Variants in FARP2 observed in about 807,000 individuals in gnomAD.
FARP2 encodes the protein FERM, ARH/RhoGEF and pleckstrin domain protein 2.
FARP2 carries 111 observed loss-of-function variants against 130.5 expected under a neutral mutation model. The ratio of observed to expected loss-of-function variants is 0.85; its 90% CI spans 0.73 to 1.00. The LOEUF is 1.00. Ranked by LOEUF, FARP2 falls within the 50% of genes least tolerant of loss-of-function variation. The pLI, the probability that FARP2 is intolerant of heterozygous loss-of-function variation, is 0.00. For missense variants in FARP2, 1,385 were observed against 1,346.3 expected (o/e 1.03, Z -0.45); for synonymous variants, 504 against 516.9 (o/e 0.98, Z 0.34).
rs546731477 is a variant in FARP2, at chr2:241,481,146, T to C, written c.2263-2319T>C. ...CAGGAGGCTGAGGCAAGTGGATCAC[T>C]TGAGCCCAGGAGGTCAAGGCTAGAG... On this transcript the variant is annotated intron_variant, in intron 19 of 26. Transcript: ENST00000264042. Among the ~76,000 whole-genome samples, 3 of 151,944 alleles carry C rather than the reference T, an allele frequency of 2.0e-5. No individual in the cohort carries two copies. The South Asian group carries it at 6.3e-4, about 32-fold the overall frequency.
intron 2 of FARP2, among the ~76,000 whole-genome samples, chr2:241,375,649 C>T (rs916071844): frequency 2.0e-5 from 3 of 151,978 alleles, no homozygotes; most frequent in African/African-American, 7.3e-5. Context: ...TAAATATAAC[C>T]GTCATGTTTG....
At chr2:241,437,970 G>T (rs1256017486) in intron 12 of FARP2, among the ~76,000 whole-genome samples, 1 of 151,926 alleles carries the variant, frequency 6.6e-6, no homozygotes, top group Non-Finnish European at 1.5e-5. Context: ...CAGCCGCCTG[G>T]CTGATTTTTG....
chr2:241,463,274 G>A, intron 15 of FARP2, 61 bp from the exon 16 acceptor site: 1 of 1,577,614 alleles, frequency 6.3e-7, no homozygotes. Flanking sequence ...GCCCTCAGGG[G>A]CACAGTTTCT....
intron 24 of FARP2, chr2:241,492,713 C>T (rs2124922795): frequency 3.8e-6 from 2 of 525,272 alleles, no homozygotes; most frequent in African/African-American, 1.9e-5. Context: ...GGAAAGGGAA[C>T]TCACTTTACT....
intron 5 of FARP2, among the ~76,000 whole-genome samples, chr2:241,408,622 T>C (rs2062429322): frequency 6.6e-6 from 1 of 152,166 alleles, no homozygotes; most frequent in Non-Finnish European, 1.5e-5. Context: ...GTATTTTTTG[T>C]ATTTGTTCAC....
At chr2:241,472,090 G>T (rs112231717) in intron 18 of FARP2, among the ~76,000 whole-genome samples, 1 of 151,754 alleles carries the variant, frequency 6.6e-6, no homozygotes, top group African/African-American at 2.4e-5. Flanking sequence ...GTTCTGGGGG[G>T]GTTCTGTTCT....
intron 8 of FARP2, among the ~76,000 whole-genome samples, chr2:241,428,265 C>G (rs975201820): frequency 1.3e-4 from 17 of 133,464 alleles, no homozygotes; most frequent in African/African-American, 4.7e-4. Flanking sequence ...GACGGAGTCT[C>G]CCTTTGTCGT....
In FARP2 at chr2:241,450,434, G is replaced by GAGAC. The variant is rs2063621279; in HGVS notation, c.1412-6311_1412-6310insACAG. 4.6e-5 allele frequency among the ~76,000 whole-genome samples: 7 copies of GAGAC among 152,056 alleles called. 1 individual carries two copies. The highest frequency in any genetic ancestry group is 4.6e-4 in the Admixed American group (7 of 15,270). On this transcript the variant is annotated intron_variant, in intron 13 of 26. Transcript: ENST00000264042. Reference sequence around the variant, plus strand: ...TGTAGTCCCAGCACTTTGGGAGGCTGAGGTGGGCGGATCACGAGGTCAGGA... The same window carrying GAGAC: ...TGTAGTCCCAGCACTTTGGGAGGCTGAGACAGGTGGGCGGATCACGAGGTCAGGA...
At chr2:241,373,313 G>T (rs1158788493) in intron 2 of FARP2, 23 bp downstream of exon 2, 8 of 1,359,690 alleles carry the variant, frequency 5.9e-6, no homozygotes, top group Middle Eastern at 3.9e-4. Context: ...ATTTTTGGAG[G>T]CATATTTCCT....
At chr2:241,371,184 A>G (rs779120734) in intron 1 of FARP2, among the ~76,000 whole-genome samples, 4 of 152,200 alleles carry the variant, frequency 2.6e-5, no homozygotes, top group Non-Finnish European at 5.9e-5. Context: ...TTTGAAATTA[A>G]GAGATTAAAA....
chr2:241,405,555 A>T (rs1422209967), intron 4 of FARP2, among the ~76,000 whole-genome samples: 1 of 152,240 alleles, frequency 6.6e-6, no homozygotes, highest in Admixed American at 6.5e-5. Context: ...CTCTGAGGAA[A>T]GAAAAAATAA....
At chr2:241,368,921 C>T (rs2061369825) in intron 1 of FARP2, among the ~76,000 whole-genome samples, 1 of 152,042 alleles carries the variant, frequency 6.6e-6, no homozygotes, top group Admixed American at 6.6e-5. Flanking sequence ...ATAGTTTATG[C>T]CACGTTACTA....
At chr2:241,423,961 GT>G (rs2062870245) in intron 8 of FARP2, among the ~76,000 whole-genome samples, 1 of 152,076 alleles carries the variant, frequency 6.6e-6, no homozygotes, top group Non-Finnish European at 1.5e-5. Flanking sequence ...CATAAAGCAA[GT>G]TCTTAAAGAT....
intron 2 of FARP2, among the ~76,000 whole-genome samples, chr2:241,398,624 C>T (rs1169301430): frequency 6.7e-6 from 1 of 150,104 alleles, no homozygotes; most frequent in Admixed American, 6.7e-5. Flanking sequence ...GGCTGGAGTG[C>T]AGTGGTGCAA....
chr2:241,473,729 G>A (rs886926828), intron 18 of FARP2, among the ~76,000 whole-genome samples: 1 of 152,192 alleles, frequency 6.6e-6, no homozygotes, highest in African/African-American at 2.4e-5. Flanking sequence ...CTGGAAGGAA[G>A]GGCTCAGACC....
At chr2:241,378,270 AT>A (rs141659095) in intron 2 of FARP2, among the ~76,000 whole-genome samples, 28,025 of 141,298 alleles carry the variant, frequency 0.2, 2,829 homozygotes, top group East Asian at 0.41. Context: ...CCCGGCTAAT[AT>A]TTTTTTTTTT....
Position 241,456,503 on chromosome 2 carries a change from G to C in FARP2, c.1412-244G>C, listed in dbSNP as rs79421486. The C allele has an allele frequency of 0.014, 6,309 of 462,050 alleles. 373 individuals are homozygous for C. In the East Asian group the frequency reaches 0.14, roughly 11 times the overall value. The allele number at this position is 462,050 out of a possible 1,614,324, so 28.6% of individuals were successfully genotyped here. ...GTATCCAGGCCCCCCTAGAGTCCGG[G>C]GAGGATCCACACTGTCTGTGGATTG... is the stretch of plus-strand genomic sequence containing the variant. On this transcript the variant is annotated intron_variant, in intron 13 of 26. Transcript: ENST00000264042.
intron 18 of FARP2, among the ~76,000 whole-genome samples, chr2:241,469,176 T>C (rs2064248270): frequency 6.6e-6 from 1 of 152,054 alleles, no homozygotes; most frequent in South Asian, 2.1e-4. Context: ...AATCTCCACT[T>C]CCCGGGTTCA....
chr2:241,488,669 G>C (rs1028712061), intron 21 of FARP2: 1 of 152,128 alleles, frequency 6.6e-6, no homozygotes, highest in Admixed American at 6.5e-5. Context: ...CAAAGTGCTG[G>C]GATTACAGGT....
Sources: gnomAD v4.1 joint callset for allele counts (sites outside exome capture counted in the v4.1 genomes callset) on GRCh38, gnomAD v4.1.1 for gene constraint, MANE v1.5 for transcripts, NCBI Gene and HGNC (gene_info 2026-07-23, HGNC 2026-07-21) for gene names.